TRPM7: variants seen among roughly 807,000 people sequenced by gnomAD.
TRPM7 encodes the protein transient receptor potential cation channel subfamily M member 7.
A neutral mutation model predicts 229.7 loss-of-function variants in TRPM7; 134 were observed. That is an observed-to-expected ratio of 0.58 (90% confidence interval 0.51 to 0.67). The LOEUF (loss-of-function observed/expected upper bound fraction) is 0.67. TRPM7 is among the 30% of genes least tolerant of loss of function. TRPM7 has a pLI of 0.00. For missense variants in TRPM7, 1,901 were observed against 2,210.0 expected (o/e 0.86, Z 2.80); for synonymous variants, 699 against 715.2 (o/e 0.98, Z 0.36).
At chr15:50,571,315 A>G (rs1360032148) in intron 36 of TRPM7, among the ~76,000 whole-genome samples, 1 of 152,258 alleles carries the variant, frequency 6.6e-6, no homozygotes, top group East Asian at 1.9e-4. Context: ...GTACTCTGGC[A>G]GTTGTTATTA....
rs534626396 is a variant in TRPM7, at chr15:50,565,186, T to C, written c.5468-3378A>G. On this transcript the variant is annotated intron_variant, in intron 38 of 38. Coordinates refer to ENST00000646667, the MANE Select transcript of TRPM7 (RefSeq NM_017672.6). ...TAGTAGAGATAGGTTTTCACCATGT[T>C]GGCCAGGCTGGTCTCGAACTCCTGA... Among the ~76,000 whole-genome samples, 7 of 152,294 alleles carry C rather than the reference T, an allele frequency of 4.6e-5. No individual in the cohort carries two copies. The South Asian group carries it at 1.4e-3, about 32-fold the overall frequency.
intron 1 of TRPM7, among the ~76,000 whole-genome samples, chr15:50,683,137 C>G (rs1269839644): frequency 6.6e-6 from 1 of 151,820 alleles, no homozygotes; most frequent in Non-Finnish European, 1.5e-5. Context: ...ATCCACCCGC[C>G]TCAGTCTCTC....
rs72740441 is a variant in TRPM7 at position 50,607,115 on chromosome 15, C to T, written c.2709+85G>A. On this transcript the variant is annotated intron_variant, in intron 20 of 38. Coordinates refer to ENST00000646667, the MANE Select transcript of TRPM7 (RefSeq NM_017672.6). ...ATGTCATCATACACACACACACCCC[C>T]CTACGTATACACCCAAAACAAAACA... 8.1e-6 allele frequency: 10 copies of T among 1,240,876 alleles called. No individual in the cohort carries two copies. The South Asian group carries it at 1.2e-4, about 15-fold the overall frequency. The allele number at this position is 1,240,876 out of a possible 1,614,324, so 76.9% of individuals were successfully genotyped here.
At chr15:50,567,219 C>T (rs970445573) in intron 38 of TRPM7, among the ~76,000 whole-genome samples, 1 of 151,768 alleles carries the variant, frequency 6.6e-6, no homozygotes. Context: ...GGTACATGTG[C>T]ACAATGTGCA....
intron 3 of TRPM7, among the ~76,000 whole-genome samples, chr15:50,650,017 A>T (rs1273753375): frequency 6.6e-6 from 1 of 151,758 alleles, no homozygotes; most frequent in Non-Finnish European, 1.5e-5. Flanking sequence ...CAACATGGTG[A>T]ACCGTCTCTA....
chr15:50,580,668 A>G (rs1028628672), intron 30 of TRPM7, among the ~76,000 whole-genome samples: 1 of 152,234 alleles, frequency 6.6e-6, no homozygotes, highest in Non-Finnish European at 1.5e-5. Flanking sequence ...TGGTACAACT[A>G]TATGAAAATA....
At chr15:50,648,229 T>C (rs1316490198) in intron 4 of TRPM7, among the ~76,000 whole-genome samples, 3 of 151,830 alleles carry the variant, frequency 2.0e-5, no homozygotes, top group Admixed American at 2.0e-4. Context: ...ATAAATAATA[T>C]GCTAATAAAG....
At chr15:50,671,835 T>G (rs79520010) in intron 1 of TRPM7, among the ~76,000 whole-genome samples, 5,297 of 152,104 alleles carry the variant, frequency 0.035, 307 homozygotes, top group African/African-American at 0.12. Context: ...CCTACTAACA[T>G]CGCAGCCATC....
intron 38 of TRPM7, among the ~76,000 whole-genome samples, chr15:50,566,479 C>T (rs941355160): frequency 3.9e-5 from 6 of 151,928 alleles, no homozygotes; most frequent in Non-Finnish European, 5.9e-5. Flanking sequence ...GGGTAGATCA[C>T]GAGGTCAAGA....
chr15:50,636,929 A>G (rs2060924914), intron 7 of TRPM7, among the ~76,000 whole-genome samples: 2 of 152,128 alleles, frequency 1.3e-5, no homozygotes, highest in African/African-American at 2.4e-5. Flanking sequence ...GGAAATTGAG[A>G]TCATCCTGGC....
At position 50,574,956 on chromosome 15, in the gene TRPM7, G is replaced by C. The variant is rs773163031; in HGVS notation, c.4915C>G (p.Leu1639Val). 2.6e-5 allele frequency: 42 copies of C among 1,613,950 alleles called. No homozygotes were observed. The highest frequency in any genetic ancestry group is 3.2e-5 in the Non-Finnish European group (38 of 1,179,986). Residue 1639 changes from leucine (L) to valine (V), a missense_variant, in exon 34 of 39, where the codon CTC (leucine) becomes GTC (valine). By Grantham distance (32) the Leu-to-Val change is conservative. This residue lies in a region of TRPM7 where 257 missense variants were observed against 352.0 expected (regional missense o/e 0.73). Coordinates refer to ENST00000646667, the MANE Select transcript of TRPM7 (RefSeq NM_017672.6). ...VQCTWSEHDI[L>V]KSGHLYIIKS... ...ATAATATAAAGATGCCCTGATTTGA[G>C]GATATCATGTTCTGACCAGGTACAC... is the stretch of plus-strand genomic sequence containing the variant.
chr15:50,578,505 G>T, intron 31 of TRPM7, 134 bp downstream of exon 31: 1 of 635,540 alleles, frequency 1.6e-6, no homozygotes, highest in Non-Finnish European at 2.6e-6. Context: ...GTATATGAGG[G>T]AAGAACTCTT....
At chr15:50,586,787 G>A (rs1042239899) in intron 27 of TRPM7, among the ~76,000 whole-genome samples, 2 of 152,164 alleles carry the variant, frequency 1.3e-5, no homozygotes, top group African/African-American at 2.4e-5. Flanking sequence ...GGGAGGTCGA[G>A]GCGGGCGGAT....
intron 6 of TRPM7, 57 bp from the exon 7 acceptor site, chr15:50,637,650 AAT>A (rs2140722950): frequency 6.9e-7 from 1 of 1,439,616 alleles, no homozygotes; most frequent in South Asian, 1.4e-5. Context: ...TATGATGTAA[AAT>A]AAATTTTGAA....
Position 50,648,899 on chromosome 15 carries a change from G to T in TRPM7, c.123-14C>A. 5.7e-6 allele frequency: 9 copies of T among 1,588,072 alleles called. No homozygotes were observed. The highest frequency in any genetic ancestry group is 7.7e-6 in the Non-Finnish European group (9 of 1,166,148). ...CCACAAAAACACCTAAAAGAAAAAG[G>T]TGAGATTAAAACACCCTTCAAAAAA... On this transcript the variant is annotated splice_polypyrimidine_tract_variant and intron_variant, in intron 3 of 38. Transcript: ENST00000646667.
At chr15:50,666,778 G>T (rs934418849) in intron 1 of TRPM7, among the ~76,000 whole-genome samples, 1 of 152,052 alleles carries the variant, frequency 6.6e-6, no homozygotes, top group African/African-American at 2.4e-5. Context: ...CTCCAGCCTG[G>T]GCAACAAGAG....
intron 6 of TRPM7, among the ~76,000 whole-genome samples, chr15:50,637,795 T>G (rs2060951368): frequency 6.6e-6 from 1 of 152,244 alleles, no homozygotes; most frequent in Admixed American, 6.5e-5. Flanking sequence ...TTGAAACACA[T>G]GATTATATCT....
At chr15:50,629,504 C>T (rs1472131751) in intron 10 of TRPM7, among the ~76,000 whole-genome samples, 1 of 136,878 alleles carries the variant, frequency 7.3e-6, no homozygotes, top group Admixed American at 7.3e-5. Flanking sequence ...AACTCCTGGG[C>T]TCAAGCAATC....
chr15:50,668,551 A>G (rs968110227), intron 1 of TRPM7, among the ~76,000 whole-genome samples: 19 of 152,320 alleles, frequency 1.2e-4, no homozygotes, highest in Admixed American at 3.9e-4. Flanking sequence ...TCTGTTGCCC[A>G]GGCTGGAGGG....
Sources: gnomAD v4.1 joint callset for allele counts (sites outside exome capture counted in the v4.1 genomes callset) on GRCh38, gnomAD v4.1.1 for gene constraint, gnomAD v4.1.1 regional missense constraint, MANE v1.5 for transcripts, NCBI Gene and HGNC (gene_info 2026-07-23, HGNC 2026-07-21) for gene names.